Variants in NXPH1 observed in about 807,000 individuals in gnomAD.
NXPH1 encodes neurexophilin 1, also known as neurexophilin-1.
NXPH1 carries 5 observed loss-of-function variants against 23.7 expected under a neutral mutation model. The ratio of observed to expected loss-of-function variants is 0.21; its 90% CI spans 0.11 to 0.44. The LOEUF (loss-of-function observed/expected upper bound fraction) is 0.44, where lower values mean the gene tolerates loss of function less well. NXPH1 is among the 20% of genes least tolerant of loss of function. NXPH1 has a pLI of 0.99. For missense variants in NXPH1, 324 were observed against 321.6 expected, an observed-to-expected ratio of 1.01 and a Z score of -0.06; for synonymous variants, 144 against 122.2, an observed-to-expected ratio of 1.18 and a Z score of -1.18.
intron 2 of NXPH1, among the ~76,000 whole-genome samples, chr7:8,461,836 C>CAA (rs748848772): frequency 2.4e-5 from 1 of 41,760 alleles, no homozygotes; most frequent in Non-Finnish European, 4.9e-5. Flanking sequence ...GACTCCGTCT[C>CAA]AAAAAAAAAA....
chr7:8,728,066 T>G (rs963216927), intron 2 of NXPH1, among the ~76,000 whole-genome samples: 1 of 150,250 alleles, frequency 6.7e-6, no homozygotes, highest in African/African-American at 2.4e-5. Flanking sequence ...CCCTTGTAAG[T>G]TGGATTCCTA....
intron 2 of NXPH1, among the ~76,000 whole-genome samples, chr7:8,506,144 A>C (rs575990557): frequency 6.6e-6 from 1 of 152,248 alleles, no homozygotes; most frequent in African/African-American, 2.4e-5. Context: ...ATCTATTATA[A>C]AATTTACCTA....
At chr7:8,488,186 A>G (rs534502242) in intron 2 of NXPH1, among the ~76,000 whole-genome samples, 1 of 152,272 alleles carries the variant, frequency 6.6e-6, no homozygotes, top group South Asian at 2.1e-4. Flanking sequence ...TACAGTAGGT[A>G]ACTTTTCTTT....
chr7:8,523,130 T>C (rs1386229353), intron 2 of NXPH1, among the ~76,000 whole-genome samples: 3 of 152,238 alleles, frequency 2.0e-5, no homozygotes, highest in Non-Finnish European at 4.4e-5. Flanking sequence ...GATGAGTGGA[T>C]ATAACCAGTA....
At chr7:8,670,198 C>G (rs1173640344) in intron 2 of NXPH1, among the ~76,000 whole-genome samples, 1 of 152,140 alleles carries the variant, frequency 6.6e-6, no homozygotes, top group Non-Finnish European at 1.5e-5. Flanking sequence ...TTTGTTCTGA[C>G]TTTTTATTCC....
rs778399951 is a variant in NXPH1, at chr7:8,491,820, A to G, written c.54+56053A>G. On this transcript the variant is annotated intron_variant, in intron 2 of 2. Coordinates refer to ENST00000405863, the MANE Select transcript of NXPH1 (RefSeq NM_152745.3). ...ATGAATTGATCACATTCAGCATGCC[A>G]AATTTTCATTTTCTTTTGCAGCTTC... 3.3e-5 allele frequency among the ~76,000 whole-genome samples: 5 copies of G among 152,208 alleles called. No homozygotes were observed. The East Asian group carries it at 9.7e-4, about 29-fold the overall frequency.
At chr7:8,477,215 A>G (rs1344515481) in intron 2 of NXPH1, among the ~76,000 whole-genome samples, 1 of 152,156 alleles carries the variant, frequency 6.6e-6, no homozygotes, top group Non-Finnish European at 1.5e-5. Flanking sequence ...GCAAATGTCC[A>G]CAGTTTCTAT....
At chr7:8,718,508 A>T (rs1490062730) in intron 2 of NXPH1, among the ~76,000 whole-genome samples, 1 of 152,238 alleles carries the variant, frequency 6.6e-6, no homozygotes, top group Non-Finnish European at 1.5e-5. Context: ...CCTGTTGAAA[A>T]GAGTAGTTGC....
intron 2 of NXPH1, among the ~76,000 whole-genome samples, chr7:8,441,403 G>T (rs999250032): frequency 6.6e-5 from 10 of 152,066 alleles, no homozygotes; most frequent in African/African-American, 2.2e-4. Flanking sequence ...TAAACACAGC[G>T]CGCGCATTTT....
At chr7:8,591,841 G>A (rs909021750) in intron 2 of NXPH1, among the ~76,000 whole-genome samples, 7 of 132,540 alleles carry the variant, frequency 5.3e-5, no homozygotes, top group Non-Finnish European at 7.9e-5. Flanking sequence ...AAAGGGCTGA[G>A]GTTTCTTTTT....
At chr7:8,627,252 G>A (rs1820012338) in intron 2 of NXPH1, among the ~76,000 whole-genome samples, 1 of 152,022 alleles carries the variant, frequency 6.6e-6, no homozygotes, top group African/African-American at 2.4e-5. Context: ...CTCGGGCAAG[G>A]TAACAAGGGA....
intron 2 of NXPH1, among the ~76,000 whole-genome samples, chr7:8,624,810 G>T (rs749354842): frequency 1.3e-5 from 2 of 152,144 alleles, no homozygotes; most frequent in African/African-American, 2.4e-5. Context: ...CATTGTGGAA[G>T]CAAAAGCCAG....
At chr7:8,557,423 G>A (rs1818375489) in intron 2 of NXPH1, among the ~76,000 whole-genome samples, 1 of 151,736 alleles carries the variant, frequency 6.6e-6, no homozygotes, top group Admixed American at 6.6e-5. Context: ...CTGGGGTCAT[G>A]CTTGCTTTGG....
At chr7:8,482,162 G>A (rs1314511819) in intron 2 of NXPH1, among the ~76,000 whole-genome samples, 1 of 152,208 alleles carries the variant, frequency 6.6e-6, no homozygotes, top group East Asian at 1.9e-4. Flanking sequence ...TTAAAGAGCA[G>A]CCTCAGCTTG....
intron 2 of NXPH1, among the ~76,000 whole-genome samples, chr7:8,545,119 T>C (rs1370425777): frequency 6.6e-6 from 1 of 151,544 alleles, no homozygotes; most frequent in Non-Finnish European, 1.5e-5. Context: ...GTCTCTTCAG[T>C]GCTATCAAGG....
intron 2 of NXPH1, among the ~76,000 whole-genome samples, chr7:8,518,283 A>T (rs2128615179): frequency 6.6e-6 from 1 of 152,254 alleles, no homozygotes; most frequent in East Asian, 1.9e-4. Context: ...GGGCCTGGGT[A>T]TGTAATATTT....
intron 2 of NXPH1, among the ~76,000 whole-genome samples, chr7:8,700,243 C>A (rs942182073): frequency 5.3e-5 from 8 of 152,238 alleles, no homozygotes; most frequent in African/African-American, 1.9e-4. Flanking sequence ...AGTAGTGTTA[C>A]ATATTGCCTA....
intron 2 of NXPH1, among the ~76,000 whole-genome samples, chr7:8,517,420 G>C (rs1157467632): frequency 6.6e-6 from 1 of 152,164 alleles, no homozygotes; most frequent in African/African-American, 2.4e-5. Context: ...CATGGCTGAA[G>C]CATAGAAGCT....
intron 2 of NXPH1, among the ~76,000 whole-genome samples, chr7:8,454,756 A>G (rs1476623): frequency 0.51 from 77,272 of 151,990 alleles, 20,209 homozygotes; most frequent in East Asian, 0.75. Context: ...TCAGTGCTCA[A>G]TGGAATCCCG....
Sources: allele counts gnomAD v4.1 joint callset (sites outside exome capture counted in the v4.1 genomes callset), GRCh38; gene constraint gnomAD v4.1.1; transcripts MANE v1.5; gene names NCBI Gene and HGNC (gene_info 2026-07-23, HGNC 2026-07-21).